The following ATF7IP2 variants were observed in gnomAD, a reference collection of about 807,000 sequenced individuals.
The protein encoded by ATF7IP2 is activating transcription factor 7 interacting protein 2, also known as activating transcription factor 7-interacting protein 2.
Under a neutral mutation model 64.2 loss-of-function variants are expected in ATF7IP2, and 42 were observed. The ratio of observed to expected loss-of-function variants is 0.65; its 90% CI spans 0.51 to 0.85. ATF7IP2 has a LOEUF of 0.85. ATF7IP2 is among the 40% of genes least tolerant of loss of function. ATF7IP2 has a pLI of 0.00. For missense variants in ATF7IP2, 933 were observed against 784.2 expected (o/e 1.19, Z -2.27); for synonymous variants, 308 against 272.8 (o/e 1.13, Z -1.27).
intron 1 of ATF7IP2, among the ~76,000 whole-genome samples, chr16:10,389,533 G>A (rs898019533): frequency 2.0e-5 from 3 of 152,088 alleles, no homozygotes; most frequent in Non-Finnish European, 2.9e-5. Flanking sequence ...CAATTAAAAT[G>A]TTTCCAACCC....
At chr16:10,469,604 C>G (rs1005224855) in intron 9 of ATF7IP2, among the ~76,000 whole-genome samples, 1 of 151,954 alleles carries the variant, frequency 6.6e-6, no homozygotes, top group Non-Finnish European at 1.5e-5. Flanking sequence ...GAGAAAACCC[C>G]GTCTCTACTA....
chr16:10,425,115 A>G (rs1014792835), intron 3 of ATF7IP2, among the ~76,000 whole-genome samples: 4 of 148,984 alleles, frequency 2.7e-5, no homozygotes, highest in African/African-American at 1.0e-4. Context: ...CTAGCGTGCA[A>G]TGGCTCAATC....
At chr16:10,434,625 A>G (rs1478620940) in intron 6 of ATF7IP2, among the ~76,000 whole-genome samples, 1 of 152,214 alleles carries the variant, frequency 6.6e-6, no homozygotes, top group Non-Finnish European at 1.5e-5. Context: ...TCTTCGAAGA[A>G]GACCAAAGGA....
chr16:10,438,278 G>T (rs748522234), intron 7 of ATF7IP2, 43 bp downstream of exon 7: 4 of 1,562,274 alleles, frequency 2.6e-6, no homozygotes, highest in Non-Finnish European at 3.5e-6. Context: ...GGGAGTAGGG[G>T]GTGTTGTTGC....
In ATF7IP2 at chr16:10,475,357, A is replaced by T. The variant is rs1029320993; in HGVS notation, c.1549+1368A>T. Reference sequence around the variant, plus strand: ...CAGTTTTTTCTTTTAAATAGAAGTAAAGCTAAGAAACCAATAGTGGAGATA... The same window carrying T: ...CAGTTTTTTCTTTTAAATAGAAGTATAGCTAAGAAACCAATAGTGGAGATA... On this transcript the variant is annotated intron_variant, in intron 12 of 13. Coordinates refer to ENST00000562102, the MANE Select transcript of ATF7IP2 (RefSeq NM_001393719.1). Among the ~76,000 whole-genome samples the T allele has an allele frequency of 6.6e-5, 10 of 152,304 alleles. No individual in the cohort carries two copies. In the Middle Eastern group the frequency reaches 0.02, roughly 311 times the overall value.
chr16:10,451,998 G>A (rs890263975), intron 8 of ATF7IP2, among the ~76,000 whole-genome samples: 1 of 151,992 alleles, frequency 6.6e-6, no homozygotes, highest in Admixed American at 6.6e-5. Flanking sequence ...GTTGCAGTGA[G>A]TCGAGATCGC....
intron 1 of ATF7IP2, among the ~76,000 whole-genome samples, chr16:10,401,633 A>ATTCCCTCCTTTTTT (rs1262389529): frequency 6.6e-6 from 1 of 152,056 alleles, no homozygotes; most frequent in Non-Finnish European, 1.5e-5. Flanking sequence ...GTTAGGAAGA[A>ATTCCCTCCTTTTTT]TTCCCTCCTT....
Position 10,440,410 on chromosome 16 carries a change from T to G in ATF7IP2, c.1142T>G (p.Phe381Cys). 6.4e-7 allele frequency: 1 copy of G among 1,569,242 alleles called. No homozygotes were observed. The highest frequency in any genetic ancestry group is 2.2e-5 in the Admixed American group (1 of 46,338). ...LQRRIKTVLLFQRNCLKPNML... is the reference protein window; with the variant it reads ...LQRRIKTVLLCQRNCLKPNML... ...AGACGTATTAAAACAGTATTATTAT[T>G]TCAAAGGAATTGTTTGAAACCAAAC... Residue 381 changes from phenylalanine (F) to cysteine (C), a missense_variant, in exon 8 of 14, where the codon TTT becomes TGT. Transcript: ENST00000562102.
At chr16:10,438,533 G>T (rs751541817) in intron 7 of ATF7IP2, among the ~76,000 whole-genome samples, 1 of 151,634 alleles carries the variant, frequency 6.6e-6, no homozygotes, top group Non-Finnish European at 1.5e-5. Context: ...GACTACAGGC[G>T]TGCGTCACCA....
chr16:10,465,262 A>G (rs1268909471), intron 9 of ATF7IP2, among the ~76,000 whole-genome samples: 1 of 152,238 alleles, frequency 6.6e-6, no homozygotes, highest in Non-Finnish European at 1.5e-5. Context: ...ATTTGGATCT[A>G]AACATTCTGT....
intron 1 of ATF7IP2, among the ~76,000 whole-genome samples, chr16:10,404,544 G>A (rs1001610610): frequency 6.6e-6 from 1 of 151,708 alleles, no homozygotes; most frequent in East Asian, 1.9e-4. Flanking sequence ...ACTCTGCCCA[G>A]CCTTTTTTTT....
chr16:10,423,846 C>G (rs974283255), intron 3 of ATF7IP2, among the ~76,000 whole-genome samples: 1 of 152,174 alleles, frequency 6.6e-6, no homozygotes, highest in Non-Finnish European at 1.5e-5. Flanking sequence ...CCGAGCTCCC[C>G]TTCTTACCAC....
intron 3 of ATF7IP2, among the ~76,000 whole-genome samples, chr16:10,427,926 A>G (rs1398271171): frequency 1.3e-5 from 2 of 152,124 alleles, no homozygotes; most frequent in African/African-American, 2.4e-5. Flanking sequence ...ATTTTGGTAT[A>G]TCTACCCAAA....
intron 9 of ATF7IP2, 119 bp downstream of exon 9, chr16:10,457,648 C>T (rs2049226188): frequency 1.2e-6 from 1 of 807,010 alleles, no homozygotes. Context: ...CTTAAAATGT[C>T]CTATAGTTTT....
intron 6 of ATF7IP2, among the ~76,000 whole-genome samples, chr16:10,437,760 G>A (rs1446819826): frequency 1.3e-5 from 2 of 152,120 alleles, no homozygotes; most frequent in Non-Finnish European, 2.9e-5. Context: ...CTAACTAGGA[G>A]TTATGGATAT....
At chr16:10,388,548 C>T (rs1386752311) in intron 1 of ATF7IP2, among the ~76,000 whole-genome samples, 1 of 152,102 alleles carries the variant, frequency 6.6e-6, no homozygotes, top group Non-Finnish European at 1.5e-5. Context: ...GTTGCCAAGG[C>T]CTTTTTAGTA....
chr16:10,391,497 G>A (rs756419242), intron 1 of ATF7IP2, among the ~76,000 whole-genome samples: 2 of 152,162 alleles, frequency 1.3e-5, no homozygotes, highest in African/African-American at 2.4e-5. Context: ...CAAACTTAAA[G>A]TACTTTGACA....
At chr16:10,479,713 C>T (rs999347751) in intron 12 of ATF7IP2, among the ~76,000 whole-genome samples, 5 of 151,260 alleles carry the variant, frequency 3.3e-5, no homozygotes, top group East Asian at 1.9e-4. Context: ...AGAAGACGTA[C>T]ATTTGGCCAA....
In ATF7IP2 at chr16:10,411,785, A is replaced by G. The variant is rs998905590; in HGVS notation, c.-241-2789A>G. Among the ~76,000 whole-genome samples, 5 of 151,998 alleles carry G rather than the reference A, an allele frequency of 3.3e-5. No individual in the cohort carries two copies. The South Asian group carries it at 1.0e-3, about 31-fold the overall frequency. On this transcript the variant is annotated intron_variant, in intron 1 of 13. Transcript: ENST00000562102. ...GTTATATCTTTCTGGGAATTTATCC[A>G]TCTCCTCTAGGTTTTCTAGTTTATA...
Sources: allele counts gnomAD v4.1 joint callset (sites outside exome capture counted in the v4.1 genomes callset), GRCh38; gene constraint gnomAD v4.1.1; transcripts MANE v1.5; gene names NCBI Gene and HGNC (gene_info 2026-07-23, HGNC 2026-07-21).